The following EVPL variants were observed in gnomAD, a reference collection of about 807,000 sequenced individuals.
The protein encoded by EVPL is 210 kDa cornified envelope precursor protein.
A neutral mutation model predicts 129.7 loss-of-function variants in EVPL; 94 were observed. The ratio of observed to expected loss-of-function variants is 0.72; its 90% CI spans 0.61 to 0.86. The LOEUF is 0.86. Among genes scored for constraint, EVPL ranks in the 40% least tolerant of loss-of-function variants. EVPL has a pLI of 0.00. For synonymous variants in EVPL, 1,172 were observed against 1,191.1 expected (o/e 0.98, Z 0.33); for missense variants, 2,625 against 2,721.1 (o/e 0.96, Z 0.79).
In EVPL at chr17:76,008,475, T is replaced by TCCCGGGACCAGGTTCTCCC. The variant is rs760944332; in HGVS notation, c.4711_4729dup (p.Glu1577GlyfsTer152). ...CCGGGCCCTCTGCAGCTCGGACTCCTCCCGGGACCAGGTTCTCCCCAGCGT... is the reference window on the plus strand; with the variant it reads ...CCGGGCCCTCTGCAGCTCGGACTCCTCCCGGGACCAGGTTCTCCCCCCGGGACCAGGTTCTCCCCAGCGT... On this transcript the variant is annotated frameshift_variant, in exon 22 of 22. Coordinates refer to ENST00000301607, the MANE Select transcript of EVPL (RefSeq NM_001988.4). LOFTEE classifies it low-confidence loss of function (END_TRUNC). This position sits in a 1 kb window ranked among gnomAD's most constrained non-coding sequence, Gnocchi z 7.4. 4 of 1,597,900 alleles carry TCCCGGGACCAGGTTCTCCC rather than the reference T, an allele frequency of 2.5e-6. No homozygotes were observed. The highest frequency in any genetic ancestry group is 3.4e-6 in the Non-Finnish European group (4 of 1,176,890).
rs781723630 is a variant in EVPL at position 76,027,160 on chromosome 17, C to A, written c.39G>T (p.Gly13=). 18 of 1,582,330 alleles carry A rather than the reference C, an allele frequency of 1.1e-5. No homozygotes were observed. Among genetic ancestry groups the A allele is most frequent in the East Asian group, 2.4e-5 (1 of 42,516 alleles). ...KGLSKGSQGK[G]SPKGSPAKGS... is the part of the protein sequence containing the mutation. The stretch of plus-strand genomic sequence containing the variant: ...CCTTGGCGGGGGAGCCCTTGGGGGA[C>A]CCCTTCCCCTGGGAGCCTTTGCTCA... The change falls in exon 1 of 22, where the codon GGG becomes GGT. Residue 13 remains glycine (G), a synonymous_variant. Transcript: ENST00000301607.
chr17:76,020,597 A>G (rs143356120), intron 9 of EVPL, among the ~76,000 whole-genome samples: 32 of 140,146 alleles, frequency 2.3e-4, no homozygotes, highest in Middle Eastern at 3.5e-3. Context: ...TGCATATTAT[A>G]TCAGGGTTTC....
chr17:76,007,285 C>A lies in EVPL; in HGVS notation c.5920G>T (p.Asp1974Tyr). ...AAATCCTTCTCGTAGCTGGACTCGT[C>A]CTGCAGGAGCTGGGCCAGCTCTTCA... ...ISEELAQLLQ[D>Y]ESSYEKDLTD... The change falls in exon 22 of 22, where the codon GAC (aspartate) becomes TAC (tyrosine). Residue 1974 changes from aspartate to tyrosine, a missense_variant. By Grantham distance (160) the Asp-to-Tyr change is radical. Around this residue, in one of 4 missense-constraint regions of EVPL, gnomAD observed 1,453 missense variants for 1,511.8 expected, o/e 0.96. Transcript: ENST00000301607. The surrounding 1 kb of genome is among the most constrained non-coding windows in gnomAD (Gnocchi z 8.8). The A allele has an allele frequency of 6.4e-7, 1 of 1,556,696 alleles. No individual in the cohort carries two copies. The highest frequency in any genetic ancestry group is 8.7e-7 in the Non-Finnish European group (1 of 1,149,338).
intron 14 of EVPL, among the ~76,000 whole-genome samples, chr17:76,016,003 C>T (rs2066417074): frequency 1.3e-5 from 2 of 152,010 alleles, no homozygotes; most frequent in African/African-American, 4.8e-5. Context: ...AATTAGCCGG[C>T]CGTAGCAGCG....
At chr17:76,023,204 A>G (rs1445042871) in intron 4 of EVPL, 88 bp downstream of exon 4, 73 of 1,576,756 alleles carry the variant, frequency 4.6e-5, no homozygotes, top group Non-Finnish European at 6.1e-5. Context: ...CTACACCCTG[A>G]CTATTCAAGC....
chr17:76,012,285 C>T, intron 18 of EVPL, 196 bp from the exon 19 acceptor site: 1 of 547,812 alleles, frequency 1.8e-6, no homozygotes, highest in Non-Finnish European at 3.2e-6. Flanking sequence ...CTCTCCGAGG[C>T]ACCTTGGCAG....
chr17:76,020,121 C>T (rs563516536), intron 9 of EVPL, among the ~76,000 whole-genome samples: 22 of 151,908 alleles, frequency 1.4e-4, no homozygotes, highest in African/African-American at 5.1e-4. Context: ...TAAACTTAAA[C>T]CAGATAAACC....
At position 76,014,546 on chromosome 17, in the gene EVPL, G is replaced by A. The variant is rs563478181; in HGVS notation, c.2253C>T (p.Thr751=). The change falls in exon 18 of 22, where the codon ACC becomes ACT. Residue 751 remains threonine (T), a synonymous_variant. Transcript: ENST00000301607. ...REKVVQDAAL[T]YQQFKNCKDN... ...CCTTGCAGTTCTTGAACTGCTGGTA[G>A]GTGAGGGCGGCATCCTGCACCACCT... 70 of 1,612,412 alleles carry A rather than the reference G, an allele frequency of 4.3e-5. No homozygotes were observed. The South Asian group carries it at 7.3e-4, about 17-fold the overall frequency.
intron 18 of EVPL, among the ~76,000 whole-genome samples, chr17:76,014,161 A>G (rs2066398906): frequency 1.3e-5 from 2 of 152,212 alleles, no homozygotes; most frequent in South Asian, 4.1e-4. Flanking sequence ...ATTGCCTGGT[A>G]CATGGCAGGG....
chr17:76,016,731 T>C (rs1204344352), intron 14 of EVPL, among the ~76,000 whole-genome samples: 1 of 152,076 alleles, frequency 6.6e-6, no homozygotes, highest in African/African-American at 2.4e-5. Context: ...CTGGGCAACA[T>C]GGCAAAACCC....
chr17:76,014,391 A>G (rs1361048647), intron 18 of EVPL, 35 bp downstream of exon 18: 3 of 1,589,722 alleles, frequency 1.9e-6, no homozygotes, highest in Admixed American at 3.6e-5. Context: ...AGGGGGCCAC[A>G]TGGGCACAGG....
intron 9 of EVPL, among the ~76,000 whole-genome samples, chr17:76,020,701 T>C (rs537386040): frequency 6.6e-6 from 1 of 150,730 alleles, no homozygotes; most frequent in East Asian, 1.9e-4. Context: ...TAAAATTTTA[T>C]TTATTTATTT....
At position 76,006,880 on chromosome 17, in the gene EVPL, G is replaced by GGGTGGA. The variant is rs1449321569; in HGVS notation, c.*217_*222dup. On this transcript the variant is annotated 3_prime_UTR_variant, in exon 22 of 22. Coordinates refer to ENST00000301607, the MANE Select transcript of EVPL (RefSeq NM_001988.4). The stretch of plus-strand genomic sequence containing the variant: ...ACAGAATTCGTTTATTGGGATCACT[G>GGGTGGA]GGTGGAGGTGGAGGAAGAACTGAGT... 5.0e-5 allele frequency: 21 copies of GGGTGGA among 420,170 alleles called. No individual in the cohort carries two copies. Among genetic ancestry groups the GGGTGGA allele is most frequent in the Middle Eastern group, 6.3e-4 (1 of 1,594 alleles). 26.0% of individuals were successfully genotyped at this position (420,170 alleles called of 1,614,324 possible). A position where few individuals can be genotyped will look rare whatever the true frequency, so the allele number is the denominator to read the frequency against.
rs2066466060 is a variant in EVPL at position 76,022,200 on chromosome 17, G to A, written c.634C>T (p.Arg212Ter). 1.2e-6 allele frequency: 2 copies of A among 1,613,092 alleles called. No homozygotes were observed. The highest frequency in any genetic ancestry group is 1.1e-5 in the South Asian group (1 of 91,048). Residue 212 changes from arginine to a stop codon, truncating the protein, a stop_gained, in exon 6 of 22, where the codon CGA (arginine) becomes TGA (stop). Transcript: ENST00000301607. LOFTEE classifies it high-confidence loss of function. This position sits in a 1 kb window ranked among gnomAD's most constrained non-coding sequence, Gnocchi z 5.6. Reference sequence around the variant, plus strand: ...TCCCTCCTGCTCACCAGTAGGTCTCGGTATTGGCTCCGGATGGTGGCTGCA... The same window carrying A: ...TCCCTCCTGCTCACCAGTAGGTCTCAGTATTGGCTCCGGATGGTGGCTGCA... The part of the protein sequence containing the change: ...PDAATIRSQY[R>*]DLLKAASWRG...
intron 20 of EVPL, 47 bp downstream of exon 20, chr17:76,011,725 C>G (rs2066377966): frequency 6.2e-7 from 1 of 1,610,888 alleles, no homozygotes; most frequent in African/African-American, 1.3e-5. Flanking sequence ...TTGGACCCTA[C>G]AGAGCTGGTG....
chr17:76,010,105 GGGCCGCCTGGCTGTCCA>G lies in EVPL; in HGVS notation c.3083_3099del (p.Leu1028ProfsTer31). 1 of 1,613,990 alleles carries G rather than the reference GGGCCGCCTGGCTGTCCA, an allele frequency of 6.2e-7. No individual in the cohort carries two copies. The highest frequency in any genetic ancestry group is 8.5e-7 in the Non-Finnish European group (1 of 1,180,032). ...AGCTGCTGGATCTGGATCCTGAGCT[GGGCCGCCTGGCTGTCCA>G]GGCCGGGGTCCCTCTCCACCTGGGT... On this transcript the variant is annotated frameshift_variant, in exon 22 of 22. Coordinates refer to ENST00000301607, the MANE Select transcript of EVPL (RefSeq NM_001988.4). LOFTEE classifies it low-confidence loss of function (END_TRUNC).
rs768511964 is a variant in EVPL at position 76,021,624 on chromosome 17, C to CG, written c.915+49_915+50insC. On this transcript the variant is annotated intron_variant, in intron 8 of 21. Coordinates refer to ENST00000301607, the MANE Select transcript of EVPL (RefSeq NM_001988.4). The stretch of plus-strand genomic sequence containing the variant: ...CCCCCCACGTCCGCCCCACCTCCCC[C>CG]CTTCCCCGCCCACCACGTCCCTTCT... 1.4e-5 allele frequency: 22 copies of CG among 1,537,796 alleles called. No individual in the cohort carries two copies. In the East Asian group the frequency reaches 4.6e-4, roughly 32 times the overall value.
At position 76,008,474 on chromosome 17, in the gene EVPL, C is replaced by T. The variant is rs1410174382; in HGVS notation, c.4731G>A (p.Glu1577=). Residue 1577 remains glutamate (E), a synonymous_variant, in exon 22 of 22, where the codon GAG becomes GAA. Coordinates refer to ENST00000301607, the MANE Select transcript of EVPL (RefSeq NM_001988.4). The surrounding 1 kb of genome is among the most constrained non-coding windows in gnomAD (Gnocchi z 7.4). The part of the protein sequence containing the change: ...AETLGRTWSR[E]ESELQRARDQ... ...CCCGGGCCCTCTGCAGCTCGGACTC[C>T]TCCCGGGACCAGGTTCTCCCCAGCG... 3.8e-6 allele frequency: 6 copies of T among 1,597,696 alleles called. No homozygotes were observed. In the African/African-American group the frequency reaches 4.0e-5, roughly 11 times the overall value.
Position 76,022,220 on chromosome 17 carries a change from G to C in EVPL, c.614C>G (p.Ala205Gly). ...GTCTCGGTATTGGCTCCGGATGGTG[G>C]CTGCATCCTGCCTCGACCAAGGGGA... ...QLRSLVGPDA[A>G]TIRSQYRDLL... Residue 205 changes from alanine (A) to glycine (G), a missense_variant, in exon 6 of 22, where the codon GCC (alanine) becomes GGC (glycine). Physicochemically the swap from Ala to Gly is moderately conservative, Grantham distance 60 (BLOSUM62 0). This residue lies in a region of EVPL where 1,024 missense variants were observed against 997.5 expected (regional missense o/e 1.03). Coordinates refer to ENST00000301607, the MANE Select transcript of EVPL (RefSeq NM_001988.4). The surrounding 1 kb of genome is among the most constrained non-coding windows in gnomAD (Gnocchi z 5.6). 3 of 1,613,236 alleles carry C rather than the reference G, an allele frequency of 1.9e-6. No individual in the cohort carries two copies. The highest frequency in any genetic ancestry group is 1.7e-5 in the Admixed American group (1 of 59,990).
Sources: gnomAD v4.1 joint callset for allele counts (sites outside exome capture counted in the v4.1 genomes callset) on GRCh38, gnomAD v4.1.1 for gene constraint, gnomAD v4.1.1 regional missense constraint, Gnocchi (gnomAD v3.1) non-coding constraint, MANE v1.5 for transcripts, NCBI Gene and HGNC (gene_info 2026-07-23, HGNC 2026-07-21) for gene names.